GPR162: variants seen among roughly 807,000 people sequenced by gnomAD.
GPR162 encodes probable G protein-coupled receptor 162.
In GPR162, 26 loss-of-function variants were observed where a neutral mutation model predicts 44.9. The observed-to-expected ratio is 0.58, with a 90% CI of 0.42 to 0.80. The LOEUF (loss-of-function observed/expected upper bound fraction) is 0.80. GPR162 is among the 30% of genes least tolerant of loss of function. The pLI is 0.00. For missense variants in GPR162, 704 were observed against 802.3 expected, an observed-to-expected ratio of 0.88 and a Z score of 1.48; for synonymous variants, 363 against 335.2, an observed-to-expected ratio of 1.08 and a Z score of -0.91.
chr12:6,826,184 TTTCTCTCCTAGATG>T lies in GPR162; in HGVS notation c.1058-11_1060del. 1 of 1,610,502 alleles carries T rather than the reference TTTCTCTCCTAGATG, an allele frequency of 6.2e-7. No individual in the cohort carries two copies. Among genetic ancestry groups the T allele is most frequent in the Non-Finnish European group, 8.5e-7 (1 of 1,177,856 alleles). On this transcript the variant is annotated splice_acceptor_variant and splice_polypyrimidine_tract_variant and coding_sequence_variant and intron_variant, in exon 4 of 5. Coordinates refer to ENST00000311268, the MANE Select transcript of GPR162 (RefSeq NM_019858.2). LOFTEE classifies it high-confidence loss of function. ...CCCTACCTGTAACCACTCTGCCCAT[TTTCTCTCCTAGATG>T]GGGGCTGTGACGACTATGCAGAGGG...
Position 6,826,703 on chromosome 12 carries a change from C to T in GPR162, c.1266C>T (p.Thr422=), listed in dbSNP as rs145851125. ...LSHDETNIFS[T]PREPGSFLHK... is the part of the protein sequence containing the mutation. ...ATGATGAGACAAACATCTTCTCTAC[C>T]CCTCGGGAACCAGGCTCCTTCCTGC... The change falls in exon 5 of 5, where the codon ACC becomes ACT. Residue 422 remains threonine, a synonymous_variant. Transcript: ENST00000311268. 8.2e-5 allele frequency: 127 copies of T among 1,544,258 alleles called. No individual in the cohort carries two copies. The East Asian group carries it at 2.9e-3, about 35-fold the overall frequency.
In GPR162 at chr12:6,826,312, C is replaced by A; in HGVS notation, c.1174C>A (p.His392Asn). 1.9e-6 allele frequency: 3 copies of A among 1,613,680 alleles called. No individual in the cohort carries two copies. The highest frequency in any genetic ancestry group is 2.5e-6 in the Non-Finnish European group (3 of 1,179,838). ...PAQVKLLPGRHMLFPPLERVH... is the reference protein window; with the variant it reads ...PAQVKLLPGRNMLFPPLERVH... The stretch of plus-strand genomic sequence containing the variant: ...CCAGGTGAAGCTGCTGCCTGGAAGG[C>A]ACATGCTCTTCCCTCCTCTTGAGAG... The change falls in exon 4 of 5, where the codon CAC (histidine) becomes AAC (asparagine). Residue 392 changes from histidine (H) to asparagine (N), a missense_variant. His to Asn is a moderately conservative substitution (Grantham distance 68). This residue lies in a region of GPR162 where 404 missense variants were observed against 314.1 expected (regional missense o/e 1.29). Transcript: ENST00000311268.
In GPR162 at chr12:6,826,321, T is replaced by C. The variant is rs1555120060; in HGVS notation, c.1183T>C (p.Phe395Leu). 1.2e-6 allele frequency: 2 copies of C among 1,613,726 alleles called. No homozygotes were observed. The change falls in exon 4 of 5, where the codon TTC (phenylalanine) becomes CTC (leucine). Residue 395 changes from phenylalanine (F) to leucine (L), a missense_variant. By Grantham distance (22) the Phe-to-Leu change is conservative. Coordinates refer to ENST00000311268, the MANE Select transcript of GPR162 (RefSeq NM_019858.2). Reference sequence around the variant, plus strand: ...GCTGCTGCCTGGAAGGCACATGCTCTTCCCTCCTCTTGAGAGAGTCCACTA... The same window carrying C: ...GCTGCTGCCTGGAAGGCACATGCTCCTCCCTCCTCTTGAGAGAGTCCACTA... ...VKLLPGRHML[F>L]PPLERVHYLQ...
chr12:6,824,572 C>T lies in GPR162; in HGVS notation c.674C>T (p.Thr225Ile). 6.2e-7 allele frequency: 1 copy of T among 1,605,038 alleles called. No individual in the cohort carries two copies. The highest frequency in any genetic ancestry group is 8.5e-7 in the Non-Finnish European group (1 of 1,174,962). ...QARRVGGGGG[T>I]KAGGPGALGT... ...CGGAGAGTGGGGGGTGGTGGGGGGA[C>T]CAAAGCGGGTGGGCCAGGGGCCTTG... The change falls in exon 2 of 5, where the codon ACC (threonine) becomes ATC (isoleucine). Residue 225 changes from threonine to isoleucine, a missense_variant. Transcript: ENST00000311268.
chr12:6,826,618 C>T, intron 4 of GPR162, 35 bp from the exon 5 acceptor site: 1 of 1,499,312 alleles, frequency 6.7e-7, no homozygotes, highest in Non-Finnish European at 8.9e-7. Context: ...TCTGTCCCTG[C>T]AGCACCTTCA....
intron 2 of GPR162, 21 bp from the exon 3 acceptor site, chr12:6,825,463 C>A: frequency 6.4e-7 from 1 of 1,567,420 alleles, no homozygotes. Context: ...CCTGACCCAG[C>A]CCGCTCCCAC....
Position 6,827,083 on chromosome 12 carries a change from G to A in GPR162, c.1646G>A (p.Gly549Glu). ...SLGSPESRAV[G>E]LPLGLSAGRR... ...GGGTCCCCTGAGAGCAGAGCCGTTG[G>A]ACTTCCTTTGGGACTAAGCGCAGGG... is the stretch of plus-strand genomic sequence containing the variant. Residue 549 changes from glycine to glutamate, a missense_variant, in exon 5 of 5, where the codon GGA (glycine) becomes GAA (glutamate). Coordinates refer to ENST00000311268, the MANE Select transcript of GPR162 (RefSeq NM_019858.2). 6.2e-7 allele frequency: 1 copy of A among 1,613,442 alleles called. No homozygotes were observed. The highest frequency in any genetic ancestry group is 8.5e-7 in the Non-Finnish European group (1 of 1,180,038).
At chr12:6,824,873 A>C (rs782069512) in intron 2 of GPR162, 108 bp downstream of exon 2, 1 of 852,670 alleles carries the variant, frequency 1.2e-6, no homozygotes, top group Non-Finnish European at 2.0e-6. Flanking sequence ...TCTCTCCTCC[A>C]GTTCCATCAT....
intron 3 of GPR162, 128 bp downstream of exon 3, chr12:6,825,801 G>A (rs1191454576): frequency 3.8e-6 from 3 of 783,642 alleles, no homozygotes; most frequent in Non-Finnish European, 6.1e-6. Context: ...ACCACCCTGG[G>A]CTCCCCTTTC....
intron 1 of GPR162, among the ~76,000 whole-genome samples, chr12:6,823,198 C>A (rs782300660): frequency 9.2e-5 from 14 of 152,132 alleles, no homozygotes; most frequent in Non-Finnish European, 1.6e-4. Flanking sequence ...TAAGAAGGAA[C>A]CTGGGAGTTC....
chr12:6,825,432 G>C, intron 2 of GPR162, 52 bp from the exon 3 acceptor site: 2 of 1,151,974 alleles, frequency 1.7e-6, no homozygotes, highest in Non-Finnish European at 2.5e-6. Context: ...ATGGGGTTCA[G>C]GTGGGCTCCT....
Position 6,823,699 on chromosome 12 carries a change from A to C in GPR162, c.-200A>C. On this transcript the variant is annotated 5_prime_UTR_variant, in exon 2 of 5. Coordinates refer to ENST00000311268, the MANE Select transcript of GPR162 (RefSeq NM_019858.2). ...CTGAGGATTGCCTCTGCTGACCCTC[A>C]GTCTCCTCCCCTGCCCTCTACATCT... is the stretch of plus-strand genomic sequence containing the variant. 6.6e-7 allele frequency: 1 copy of C among 1,516,342 alleles called. No individual in the cohort carries two copies. The highest frequency in any genetic ancestry group is 1.4e-5 in the African/African-American group (1 of 72,838). The allele number at this position is 1,516,342 out of a possible 1,614,324, so 93.9% of individuals were successfully genotyped here. A position where few individuals can be genotyped will look rare whatever the true frequency, so the allele number is the denominator to read the frequency against.
chr12:6,825,344 C>T lies in GPR162; in HGVS notation c.868-140C>T. 3 of 619,148 alleles carry T rather than the reference C, an allele frequency of 4.8e-6. No individual in the cohort carries two copies. The South Asian group carries it at 5.7e-5, about 12-fold the overall frequency. 38.4% of individuals were successfully genotyped at this position (619,148 alleles called of 1,614,324 possible). A position where few individuals can be genotyped will look rare whatever the true frequency, so the allele number is the denominator to read the frequency against. ...CCCTTCCCTCTGTTCACTCCATCTC[C>T]ACCTCCGGCTTCGCCTCTGTTGGAG... On this transcript the variant is annotated intron_variant, in intron 2 of 4. Coordinates refer to ENST00000311268, the MANE Select transcript of GPR162 (RefSeq NM_019858.2).
At position 6,822,749 on chromosome 12, in the gene GPR162, T is replaced by G. The variant is rs893963028; in HGVS notation, c.-431-719T>G. 1.4e-5 allele frequency among the ~76,000 whole-genome samples: 2 copies of G among 138,672 alleles called. No individual in the cohort carries two copies. Among genetic ancestry groups the G allele is most frequent in the African/African-American group, 5.2e-5 (2 of 38,430 alleles). 91.0% of individuals were successfully genotyped at this position (138,672 alleles called of 152,430 possible). ...CCTCCCTCCTCCAGTCCCTCCTCCC[T>G]CCAAAGCCTCCTCTCCAGGGGGTTT... On this transcript the variant is annotated intron_variant, in intron 1 of 4. Coordinates refer to ENST00000311268, the MANE Select transcript of GPR162 (RefSeq NM_019858.2). The surrounding 1 kb of genome is among the most constrained non-coding windows in gnomAD (Gnocchi z 4.2).
At chr12:6,825,203 G>C (rs1565507887) in intron 2 of GPR162, 1 of 554,818 alleles carries the variant, frequency 1.8e-6, no homozygotes, top group South Asian at 2.0e-5. Context: ...ACCCCATCTA[G>C]TCACTGTTCC....
intron 2 of GPR162, chr12:6,824,970 C>T (rs1555119790): frequency 2.9e-6 from 2 of 701,244 alleles, no homozygotes; most frequent in Non-Finnish European, 2.6e-6. Flanking sequence ...ACCCTGTTTA[C>T]CCCAGCTCCA....
rs1565509254 is a variant in GPR162, at chr12:6,827,045, C to T, written c.1608C>T (p.Arg536=). ...CCCGGCCACTGGGCCTCTCACCCCGCCGACTCTCCCTTGGGTCCCCTGAGA... is the reference window on the plus strand; with the variant it reads ...CCCGGCCACTGGGCCTCTCACCCCGTCGACTCTCCCTTGGGTCCCCTGAGA... The part of the protein sequence containing the change: ...RRPRPLGLSP[R]RLSLGSPESR... The change falls in exon 5 of 5, where the codon CGC becomes CGT. Residue 536 remains arginine (R), a synonymous_variant. Transcript: ENST00000311268. 4 of 1,613,432 alleles carry T rather than the reference C, an allele frequency of 2.5e-6. No individual in the cohort carries two copies. Among genetic ancestry groups the T allele is most frequent in the Admixed American group, 1.7e-5 (1 of 60,030 alleles).
chr12:6,825,033 G>C, intron 2 of GPR162: 3 of 656,706 alleles, frequency 4.6e-6, no homozygotes, highest in Non-Finnish European at 2.8e-6. Context: ...TCAGTTCCAC[G>C]ACCTGTCCTC....
At position 6,822,359 on chromosome 12, in the gene GPR162, C is replaced by T. The variant is rs782193465; in HGVS notation, c.-432+459C>T. ...ATGGCAACTAGGGTGTACTGGGCTC[C>T]GGAGGGAAGCCAAGGGTGGGGGTGG... is the stretch of plus-strand genomic sequence containing the variant. On this transcript the variant is annotated intron_variant, in intron 1 of 4. Coordinates refer to ENST00000311268, the MANE Select transcript of GPR162 (RefSeq NM_019858.2). The surrounding 1 kb of genome is among the most constrained non-coding windows in gnomAD (Gnocchi z 4.2). 3.3e-5 allele frequency among the ~76,000 whole-genome samples: 5 copies of T among 152,254 alleles called. No homozygotes were observed. Among genetic ancestry groups the T allele is most frequent in the South Asian group, 2.1e-4 (1 of 4,824 alleles).
Sources: allele counts gnomAD v4.1 joint callset (sites outside exome capture counted in the v4.1 genomes callset), GRCh38; gene constraint gnomAD v4.1.1; regional missense constraint gnomAD v4.1.1; non-coding constraint Gnocchi (gnomAD v3.1); transcripts MANE v1.5; gene names NCBI Gene and HGNC (gene_info 2026-07-23, HGNC 2026-07-21).